Variants in FAM184A observed in about 807,000 individuals in gnomAD.
The protein encoded by FAM184A is protein FAM184A.
FAM184A carries 99 observed loss-of-function variants against 143.8 expected under a neutral mutation model. That is an observed-to-expected ratio of 0.69 (90% confidence interval 0.58 to 0.81). The LOEUF is 0.81. Among genes scored for constraint, FAM184A ranks in the 40% least tolerant of loss-of-function variants. The pLI is 0.00. For missense variants in FAM184A, 1,217 were observed against 1,310.5 expected, an observed-to-expected ratio of 0.93 and a Z score of 1.10; for synonymous variants, 427 against 446.4, an observed-to-expected ratio of 0.96 and a Z score of 0.55.
chr6:119,055,131 A>G (rs1467161744), intron 1 of FAM184A, among the ~76,000 whole-genome samples: 1 of 152,182 alleles, frequency 6.6e-6, no homozygotes, highest in Admixed American at 6.5e-5. Flanking sequence ...CACTTCAGAG[A>G]AATGAAATCA....
At chr6:119,142,400 A>G (rs1020189379) in intron 1 of FAM184A, among the ~76,000 whole-genome samples, 14 of 152,192 alleles carry the variant, frequency 9.2e-5, no homozygotes, top group Admixed American at 3.9e-4. Context: ...GGCCACAACA[A>G]TTAGAAAGTT....
chr6:119,006,745 A>G lies in FAM184A; in HGVS notation c.1654-137T>C, dbSNP rs544938598. On this transcript the variant is annotated intron_variant, in intron 6 of 17. Transcript: ENST00000338891. ...ATTTCCTGATTAATTTGGAAAAAGC[A>G]CTCAAATAACCATGACAGCTTTCTT... is the stretch of plus-strand genomic sequence containing the variant. The G allele has an allele frequency of 6.1e-6, 4 of 654,030 alleles. No individual in the cohort carries two copies. The East Asian group carries it at 1.2e-4, about 19-fold the overall frequency. 40.5% of individuals were successfully genotyped at this position (654,030 alleles called of 1,614,324 possible).
At chr6:119,048,680 C>T (rs1007388444) in intron 1 of FAM184A, among the ~76,000 whole-genome samples, 3 of 152,042 alleles carry the variant, frequency 2.0e-5, no homozygotes, top group Non-Finnish European at 4.4e-5. Context: ...ACAAAACATC[C>T]CGTTCTCACT....
At chr6:119,030,029 G>C (rs914736153) in intron 1 of FAM184A, among the ~76,000 whole-genome samples, 12 of 151,986 alleles carry the variant, frequency 7.9e-5, no homozygotes, top group Non-Finnish European at 1.5e-4. Context: ...GCAATAGCTT[G>C]GTTTACTCCC....
rs6905331 is a variant in FAM184A at position 119,029,350 on chromosome 6, A to G, written c.160-4537T>C. 7.7e-3 allele frequency among the ~76,000 whole-genome samples: 1,169 copies of G among 152,328 alleles called. 8 individuals carry two copies. The highest frequency in any genetic ancestry group is 0.027 in the African/African-American group (1,110 of 41,576). Reference sequence around the variant, plus strand: ...TTCCCCTTGTCGACAATTTATTGAAATAATCTTCTCTTTTTTCTAATATTA... The same window carrying G: ...TTCCCCTTGTCGACAATTTATTGAAGTAATCTTCTCTTTTTTCTAATATTA... On this transcript the variant is annotated intron_variant, in intron 1 of 17. Coordinates refer to ENST00000338891, the MANE Select transcript of FAM184A (RefSeq NM_024581.6).
At chr6:119,098,516 A>G (rs906732517) in intron 1 of FAM184A, among the ~76,000 whole-genome samples, 1 of 152,216 alleles carries the variant, frequency 6.6e-6, no homozygotes, top group Non-Finnish European at 1.5e-5. Flanking sequence ...TCATAAATGT[A>G]TGAAGGCTAT....
chr6:119,100,912 T>A (rs1400490309), intron 1 of FAM184A, among the ~76,000 whole-genome samples: 1 of 150,294 alleles, frequency 6.7e-6, no homozygotes, highest in Non-Finnish European at 1.5e-5. Flanking sequence ...TGAGCTGAGA[T>A]CACGCCACTG....
At chr6:118,992,530 T>C (rs908778043) in intron 9 of FAM184A, among the ~76,000 whole-genome samples, 46 of 152,116 alleles carry the variant, frequency 3.0e-4, no homozygotes, top group Non-Finnish European at 8.8e-5. Context: ...CGTGAGGACA[T>C]AGTAAGAAGA....
At chr6:119,055,340 G>A (rs998722067) in intron 1 of FAM184A, among the ~76,000 whole-genome samples, 1 of 152,102 alleles carries the variant, frequency 6.6e-6, no homozygotes, top group African/African-American at 2.4e-5. Context: ...TTACAAATAT[G>A]TAATGCTGCT....
chr6:119,022,962 T>G lies in FAM184A; in HGVS notation c.1133A>C (p.Asp378Ala). ...ARERLQQQAS[D>A]LVLKASHIGM... The stretch of plus-strand genomic sequence containing the variant: ...ACACATACTAGCTTTGAGGACAAGA[T>G]CTGAAGCTTGCTGTTGTAAACGTTC... The change falls in exon 3 of 18, where the codon GAT (aspartate) becomes GCT (alanine). Residue 378 changes from aspartate (D) to alanine (A), a missense_variant. By Grantham distance (126) the Asp-to-Ala change is moderately radical. Coordinates refer to ENST00000338891, the MANE Select transcript of FAM184A (RefSeq NM_024581.6). 1 of 1,614,178 alleles carries G rather than the reference T, an allele frequency of 6.2e-7. No homozygotes were observed. Among genetic ancestry groups the G allele is most frequent in the Non-Finnish European group, 8.5e-7 (1 of 1,180,022 alleles).
chr6:119,050,390 C>T (rs143943406), intron 1 of FAM184A, among the ~76,000 whole-genome samples: 7 of 151,858 alleles, frequency 4.6e-5, no homozygotes, highest in Admixed American at 2.0e-4. Context: ...ATGTTCACTG[C>T]GGCACTATTC....
intron 9 of FAM184A, among the ~76,000 whole-genome samples, chr6:118,986,483 A>G (rs899894262): frequency 6.6e-6 from 1 of 152,206 alleles, no homozygotes; most frequent in Admixed American, 6.5e-5. Context: ...GCAGGTGCTC[A>G]TCCTGCAGAG....
At chr6:119,119,573 A>G (rs1274314067) in intron 1 of FAM184A, among the ~76,000 whole-genome samples, 1 of 152,224 alleles carries the variant, frequency 6.6e-6, no homozygotes, top group Non-Finnish European at 1.5e-5. Flanking sequence ...AAAAATTGTT[A>G]GTATATGAAC....
At chr6:119,065,255 A>C (rs1327606368) in intron 1 of FAM184A, among the ~76,000 whole-genome samples, 2 of 152,110 alleles carry the variant, frequency 1.3e-5, no homozygotes, top group African/African-American at 2.4e-5. Context: ...CAGATCACTT[A>C]CTATAAGAAG....
chr6:119,096,212 C>G (rs541343374), intron 1 of FAM184A, among the ~76,000 whole-genome samples: 2 of 152,176 alleles, frequency 1.3e-5, no homozygotes, highest in African/African-American at 4.8e-5. Flanking sequence ...TTTATTGCCT[C>G]ATCTCTCATG....
intron 1 of FAM184A, among the ~76,000 whole-genome samples, chr6:119,133,173 G>C (rs1789580252): frequency 6.6e-6 from 1 of 152,170 alleles, no homozygotes; most frequent in Non-Finnish European, 1.5e-5. Flanking sequence ...AGAAGAGAAA[G>C]CTTGACAAAG....
At chr6:118,960,881 C>T in intron 17 of FAM184A, 5 of 1,284,918 alleles carry the variant, frequency 3.9e-6, no homozygotes, top group Non-Finnish European at 5.2e-6. Flanking sequence ...TACCCATGCA[C>T]AAGGGAAAAT....
At chr6:119,079,690 T>A (rs1788004390), upstream of FAM184A, among the ~76,000 whole-genome samples, 1 of 152,246 alleles carries the variant, frequency 6.6e-6, no homozygotes, top group Non-Finnish European at 1.5e-5. Context: ...CAACTCCATG[T>A]GATTTCTTTT....
At chr6:118,961,370 GA>G (rs912513190) in intron 17 of FAM184A, among the ~76,000 whole-genome samples, 10 of 148,904 alleles carry the variant, frequency 6.7e-5, no homozygotes, top group Admixed American at 1.3e-4. Context: ...ACAAGAAAGG[GA>G]AAAAAATAAA....
Sources: gnomAD v4.1 joint callset for allele counts (sites outside exome capture counted in the v4.1 genomes callset) on GRCh38, gnomAD v4.1.1 for gene constraint, MANE v1.5 for transcripts, NCBI Gene and HGNC (gene_info 2026-07-23, HGNC 2026-07-21) for gene names.